Variants in FOXP1 observed in about 807,000 individuals in gnomAD.
FOXP1 encodes forkhead box protein P1.
A neutral mutation model predicts 98.2 loss-of-function variants in FOXP1; 15 were observed. The observed-to-expected ratio is 0.15, with a 90% CI of 0.10 to 0.24. The LOEUF (loss-of-function observed/expected upper bound fraction) is 0.24. FOXP1 is among the 10% of genes least tolerant of loss of function. FOXP1 has a pLI of 1.00. For missense variants in FOXP1, 633 were observed against 848.5 expected, an observed-to-expected ratio of 0.75 and a Z score of 3.15; for synonymous variants, 371 against 314.5, an observed-to-expected ratio of 1.18 and a Z score of -1.90.
At chr3:71,265,701 G>A (rs912801174) in intron 5 of FOXP1, among the ~76,000 whole-genome samples, 4 of 152,136 alleles carry the variant, frequency 2.6e-5, no homozygotes, top group Non-Finnish European at 4.4e-5. Context: ...ACATGTTCAC[G>A]GTGCAGTGAT....
chr3:71,475,412 G>C (rs1037369918), intron 3 of FOXP1, among the ~76,000 whole-genome samples: 1 of 152,184 alleles, frequency 6.6e-6, no homozygotes, highest in African/African-American at 2.4e-5. Context: ...CGGGGAAAGG[G>C]AGAGGGTGGT....
intron 7 of FOXP1, among the ~76,000 whole-genome samples, chr3:71,107,079 G>T (rs1359505844): frequency 6.6e-6 from 1 of 152,140 alleles, no homozygotes; most frequent in Non-Finnish European, 1.5e-5. Context: ...ATACCTTCAA[G>T]AGTGGGAATT....
At chr3:71,543,715 C>CAG (rs2045086443) in intron 2 of FOXP1, among the ~76,000 whole-genome samples, 1 of 152,220 alleles carries the variant, frequency 6.6e-6, no homozygotes, top group Non-Finnish European at 1.5e-5. Context: ...AGCAGGTCCA[C>CAG]AGAAAGCCTG....
chr3:71,339,199 A>T lies in FOXP1; in HGVS notation c.-73+19951T>A, dbSNP rs368950669. ...ACATAAAATGTATCCTGCTGAGTTG[A>T]TGCCGCACACGGCTAAATTTACAAC... On this transcript the variant is annotated intron_variant, in intron 4 of 20. Transcript: ENST00000649528. Among the ~76,000 whole-genome samples, 17 of 152,392 alleles carry T rather than the reference A, an allele frequency of 1.1e-4. No homozygotes were observed. In the East Asian group the frequency reaches 1.7e-3, roughly 16 times the overall value.
In FOXP1 at chr3:71,121,031, TTTTC is replaced by T. The variant is rs1398964994; in HGVS notation, c.181-8398_181-8395del. ...GGAAAAGATGGCAAAAAATTATATT[TTTTC>T]TTTCTTTCTTTTTTTTTTTTTTACA... On this transcript the variant is annotated intron_variant, in intron 6 of 20. Transcript: ENST00000649528. 4.8e-5 allele frequency among the ~76,000 whole-genome samples: 6 copies of T among 126,070 alleles called. No homozygotes were observed. The Admixed American group carries it at 5.3e-4, about 11-fold the overall frequency. 82.7% of individuals were successfully genotyped at this position (126,070 alleles called of 152,430 possible). A position where few individuals can be genotyped will look rare whatever the true frequency, so the allele number is the denominator to read the frequency against.
At chr3:71,324,253 A>G (rs1434441237) in intron 4 of FOXP1, among the ~76,000 whole-genome samples, 1 of 152,108 alleles carries the variant, frequency 6.6e-6, no homozygotes, top group South Asian at 2.1e-4. Flanking sequence ...TTTCCTTTGC[A>G]GTATTAAAGT....
At chr3:71,164,544 G>A (rs1017916308) in intron 6 of FOXP1, among the ~76,000 whole-genome samples, 3 of 152,164 alleles carry the variant, frequency 2.0e-5, no homozygotes, top group Non-Finnish European at 2.9e-5. Context: ...GGCTCCAAAG[G>A]AGAAAACACA....
chr3:71,268,095 T>C (rs945661220), intron 5 of FOXP1, among the ~76,000 whole-genome samples: 14 of 141,158 alleles, frequency 9.9e-5, no homozygotes, highest in South Asian at 2.4e-4. Flanking sequence ...CTTTTCTTTT[T>C]TTTTTTTTTT....
At chr3:71,395,550 G>A (rs1427512233) in intron 3 of FOXP1, among the ~76,000 whole-genome samples, 2 of 151,656 alleles carry the variant, frequency 1.3e-5, no homozygotes, top group Non-Finnish European at 2.9e-5. Flanking sequence ...AACTGGCCCA[G>A]GGGCACTCCT....
At chr3:71,522,516 T>C (rs1499895) in intron 2 of FOXP1, among the ~76,000 whole-genome samples, 49,598 of 152,080 alleles carry the variant, frequency 0.33, 9,393 homozygotes, top group Non-Finnish European at 0.43. Context: ...TTGACTTTCC[T>C]GATTCTCAGC....
At chr3:71,497,217 A>AT (rs2091483331) in intron 2 of FOXP1, among the ~76,000 whole-genome samples, 1 of 152,214 alleles carries the variant, frequency 6.6e-6, no homozygotes, top group Admixed American at 6.5e-5. Flanking sequence ...GTAGAATTGT[A>AT]TAACTAGAAA....
At position 71,581,630 on chromosome 3, in the gene FOXP1, G is replaced by T; in HGVS notation, c.-379C>A. On this transcript the variant is annotated 5_prime_UTR_variant, in exon 2 of 21. Coordinates refer to ENST00000649528, the MANE Select transcript of FOXP1 (RefSeq NM_001349338.3). Reference sequence around the variant, plus strand: ...CGGCAGCACCATGGTCCCCGGCGCCGCTGCCGCTGCCCCCGGCCCGCTCGC... The same window carrying T: ...CGGCAGCACCATGGTCCCCGGCGCCTCTGCCGCTGCCCCCGGCCCGCTCGC... The T allele has an allele frequency of 1.0e-6, 1 of 985,706 alleles. No individual in the cohort carries two copies. Among genetic ancestry groups the T allele is most frequent in the East Asian group, 1.1e-4 (1 of 8,796 alleles). 61.1% of individuals were successfully genotyped at this position (985,706 alleles called of 1,614,324 possible).
Position 71,245,674 on chromosome 3 carries a change from TCATTCACATACTGTGTCACTGAG to T in FOXP1, c.-11-47305_-11-47283del, listed in dbSNP as rs1224280324. Among the ~76,000 whole-genome samples the T allele has an allele frequency of 2.7e-5, 4 of 150,248 alleles. No homozygotes were observed. In the East Asian group the frequency reaches 8.0e-4, roughly 30 times the overall value. On this transcript the variant is annotated intron_variant, in intron 5 of 20. Coordinates refer to ENST00000649528, the MANE Select transcript of FOXP1 (RefSeq NM_001349338.3). ...AGACCGTTACCTTCATAAAAATTCCTCATTCACATACTGTGTCACTGAGTGAAGAGTCTTAACCATTCATGCAC... is the reference window on the plus strand; with the variant it reads ...AGACCGTTACCTTCATAAAAATTCCTTGAAGAGTCTTAACCATTCATGCAC...
intron 10 of FOXP1, among the ~76,000 whole-genome samples, chr3:71,046,635 C>CCATTAA (rs1300589161): frequency 6.6e-6 from 1 of 152,154 alleles, no homozygotes; most frequent in Non-Finnish European, 1.5e-5. Context: ...CAAACAGAAA[C>CCATTAA]ACTGCAAGAG....
intron 3 of FOXP1, among the ~76,000 whole-genome samples, chr3:71,472,658 A>C (rs1389748103): frequency 6.6e-6 from 1 of 152,212 alleles, no homozygotes; most frequent in African/African-American, 2.4e-5. Flanking sequence ...TAATAAAGAG[A>C]ATCCAAGCTC....
chr3:71,035,480 A>C (rs1479940204), intron 11 of FOXP1, among the ~76,000 whole-genome samples: 2 of 152,208 alleles, frequency 1.3e-5, no homozygotes, highest in Non-Finnish European at 2.9e-5. Flanking sequence ...GCCGTAGACA[A>C]TACGTAAATG....
At chr3:71,207,518 T>C (rs1423201004) in intron 5 of FOXP1, among the ~76,000 whole-genome samples, 1 of 152,180 alleles carries the variant, frequency 6.6e-6, no homozygotes, top group Non-Finnish European at 1.5e-5. Context: ...AACTCCAATA[T>C]ACATATATGT....
intron 5 of FOXP1, among the ~76,000 whole-genome samples, chr3:71,203,938 G>GAGGAAGGAAGGAAGGAAGGAAGGA (rs3033228): frequency 2.8e-4 from 37 of 131,446 alleles, no homozygotes; most frequent in African/African-American, 8.9e-4. Context: ...GAAAAGGAAG[G>GAGGAAGGAAGGAAGGAAGGAAGGA]AGGAAGGAAG....
At chr3:71,459,167 A>G (rs1474651294) in intron 3 of FOXP1, among the ~76,000 whole-genome samples, 1 of 152,250 alleles carries the variant, frequency 6.6e-6, no homozygotes, top group Non-Finnish European at 1.5e-5. Flanking sequence ...AGGTGCTAGT[A>G]GGAATTAAAG....
Sources: gnomAD v4.1 joint callset for allele counts (sites outside exome capture counted in the v4.1 genomes callset) on GRCh38, gnomAD v4.1.1 for gene constraint, MANE v1.5 for transcripts, NCBI Gene and HGNC (gene_info 2026-07-23, HGNC 2026-07-21) for gene names.